Variants in TMCO4 observed in about 807,000 individuals in gnomAD.
TMCO4 encodes the protein transmembrane and coiled-coil domains 4.
TMCO4 carries 58 observed loss-of-function variants against 64.7 expected under a neutral mutation model. The ratio of observed to expected loss-of-function variants is 0.90; its 90% CI spans 0.73 to 1.12. The LOEUF is 1.12. Ranked by LOEUF, TMCO4 falls within the 50% of genes most tolerant of loss-of-function variation. The pLI is 0.00. For synonymous variants in TMCO4, 325 were observed against 346.1 expected (o/e 0.94, Z 0.68); for missense variants, 780 against 825.9 (o/e 0.94, Z 0.68).
chr1:19,770,293 A>C (rs971283595), intron 6 of TMCO4, among the ~76,000 whole-genome samples: 3 of 152,328 alleles, frequency 2.0e-5, no homozygotes, highest in Non-Finnish European at 4.4e-5. Flanking sequence ...ACCAGATTCG[A>C]GAGTTACTTA....
At chr1:19,776,081 T>C (rs1253307032) in intron 4 of TMCO4, among the ~76,000 whole-genome samples, 2 of 152,270 alleles carry the variant, frequency 1.3e-5, no homozygotes, top group East Asian at 3.9e-4. Context: ...CTAATCTTTG[T>C]ATTTTTAGTA....
chr1:19,774,643 A>T (rs567224905), intron 4 of TMCO4, among the ~76,000 whole-genome samples: 128 of 152,328 alleles, frequency 8.4e-4, no homozygotes, highest in African/African-American at 2.8e-3. Context: ...AATTGCTACT[A>T]ATGTGTTTGT....
At chr1:19,757,161 G>GC (rs570387894) in intron 6 of TMCO4, among the ~76,000 whole-genome samples, 16 of 148,410 alleles carry the variant, frequency 1.1e-4, no homozygotes, top group East Asian at 2.0e-4. Context: ...CGTGGTGGCG[G>GC]GGGGGGGCGC....
chr1:19,733,218 G>A (rs2095437708), intron 13 of TMCO4, among the ~76,000 whole-genome samples: 1 of 152,102 alleles, frequency 6.6e-6, no homozygotes, highest in Admixed American at 6.5e-5. Flanking sequence ...AGTGAGCTGA[G>A]ATGGCACCAC....
chr1:19,785,716 G>T (rs1306900799), intron 3 of TMCO4, among the ~76,000 whole-genome samples: 1 of 152,232 alleles, frequency 6.6e-6, no homozygotes, highest in Non-Finnish European at 1.5e-5. Flanking sequence ...ACACTCAGGA[G>T]GTCTGGTTGC....
At chr1:19,781,813 A>G (rs1207120482) in intron 3 of TMCO4, among the ~76,000 whole-genome samples, 1 of 152,028 alleles carries the variant, frequency 6.6e-6, no homozygotes, top group Non-Finnish European at 1.5e-5. Flanking sequence ...CACCTGGCTA[A>G]CTTTTTGTAT....
In TMCO4 at chr1:19,734,575, A is replaced by G. The variant is rs112903939; in HGVS notation, c.1264+2797T>C. ...GGCACAGTGCCAGGCTCCCACCCTG[A>G]CCTATTAGCATTTCCCACCAACCCA... On this transcript the variant is annotated intron_variant, in intron 13 of 15. Transcript: ENST00000294543. The surrounding 1 kb of genome is among the most constrained non-coding windows in gnomAD (Gnocchi z 4.4). Among the ~76,000 whole-genome samples, 182 of 151,596 alleles carry G rather than the reference A, an allele frequency of 1.2e-3. 3 individuals carry two copies. Among genetic ancestry groups the G allele is most frequent in the Middle Eastern group, 3.4e-3 (1 of 294 alleles).
At chr1:19,747,046 C>A in intron 8 of TMCO4, 117 bp downstream of exon 8, 2 of 987,442 alleles carry the variant, frequency 2.0e-6, no homozygotes, top group East Asian at 5.0e-5. Context: ...CTACCTACCA[C>A]ATGCCAGGGG....
intron 13 of TMCO4, among the ~76,000 whole-genome samples, chr1:19,709,031 A>T (rs2095316560): frequency 6.6e-6 from 1 of 152,138 alleles, no homozygotes; most frequent in Non-Finnish European, 1.5e-5. Context: ...CGTGCACATG[A>T]TAGACACGTA....
intron 4 of TMCO4, among the ~76,000 whole-genome samples, chr1:19,775,505 C>G (rs1204927959): frequency 6.6e-6 from 1 of 152,218 alleles, no homozygotes; most frequent in Admixed American, 6.5e-5. Flanking sequence ...AAAACTACAG[C>G]TAACCAGCCA....
intron 2 of TMCO4, among the ~76,000 whole-genome samples, chr1:19,787,851 G>A (rs562822407): frequency 6.6e-6 from 1 of 152,284 alleles, no homozygotes; most frequent in South Asian, 2.1e-4. Context: ...CGCCTCCCAA[G>A]TTCAAGTGAT....
intron 13 of TMCO4, among the ~76,000 whole-genome samples, chr1:19,709,599 G>C (rs74056977): frequency 6.6e-6 from 1 of 152,222 alleles, no homozygotes; most frequent in African/African-American, 2.4e-5. Flanking sequence ...ATCTTTGTGA[G>C]CACATTGACA....
Position 19,732,354 on chromosome 1 carries a change from T to C in TMCO4, c.1264+5018A>G, listed in dbSNP as rs190807723. ...GCCTGGCTAATTTTAAAATTTTTTG[T>C]AGAGGCAAATTATGTTGCCCAGGCT... On this transcript the variant is annotated intron_variant, in intron 13 of 15. Transcript: ENST00000294543. This position sits in a 1 kb window ranked among gnomAD's most constrained non-coding sequence, Gnocchi z 4.8. Among the ~76,000 whole-genome samples the C allele has an allele frequency of 2.2e-4, 34 of 151,934 alleles. No individual in the cohort carries two copies. The highest frequency in any genetic ancestry group is 3.4e-3 in the Middle Eastern group (1 of 294).
Position 19,700,870 on chromosome 1 carries a change from A to G in TMCO4, c.1280T>C (p.Ile427Thr). The change falls in exon 14 of 16, where the codon ATC becomes ACC. Residue 427 changes from isoleucine (I) to threonine (T), a missense_variant. Transcript: ENST00000294543. ...CGCACCCAGCAGGATGACGTCCTCGATGATTCCTTGGCAATCTGGCAAAAG... is the reference window on the plus strand; with the variant it reads ...CGCACCCAGCAGGATGACGTCCTCGGTGATTCCTTGGCAATCTGGCAAAAG... ...MAQEKDCQGI[I>T]EDVILLGAPV... 1.9e-6 allele frequency: 3 copies of G among 1,614,200 alleles called. No homozygotes were observed. Among genetic ancestry groups the G allele is most frequent in the Non-Finnish European group, 1.7e-6 (2 of 1,180,016 alleles).
At chr1:19,689,001 A>C (rs921814322) in intron 15 of TMCO4, among the ~76,000 whole-genome samples, 1 of 152,124 alleles carries the variant, frequency 6.6e-6, no homozygotes, top group African/African-American at 2.4e-5. Flanking sequence ...GAGGGGCAGG[A>C]GGGCAGCTTC....
At position 19,738,508 on chromosome 1, in the gene TMCO4, T is replaced by C. The variant is rs530246693; in HGVS notation, c.1180-1052A>G. 2.0e-5 allele frequency: 3 copies of C among 152,400 alleles called. No homozygotes were observed. The East Asian group carries it at 5.8e-4, about 29-fold the overall frequency. The allele number at this position is 152,400 out of a possible 1,614,324, so 9.4% of individuals were successfully genotyped here. A position where few individuals can be genotyped will look rare whatever the true frequency, so the allele number is the denominator to read the frequency against. On this transcript the variant is annotated intron_variant, in intron 12 of 15. Coordinates refer to ENST00000294543, the MANE Select transcript of TMCO4 (RefSeq NM_181719.7). Reference sequence around the variant, plus strand: ...AAATAGTACATTTGTTTTCAGCTGGTAAATTTGTGGTAATTTGTAACAGTG... The same window carrying C: ...AAATAGTACATTTGTTTTCAGCTGGCAAATTTGTGGTAATTTGTAACAGTG...
chr1:19,738,904 T>G (rs898666000), intron 12 of TMCO4, among the ~76,000 whole-genome samples: 2 of 152,244 alleles, frequency 1.3e-5, no homozygotes, highest in Non-Finnish European at 2.9e-5. Context: ...AGACACCAAC[T>G]GAAATGTTGT....
intron 13 of TMCO4, among the ~76,000 whole-genome samples, chr1:19,721,521 G>C (rs751514587): frequency 6.6e-6 from 1 of 152,154 alleles, no homozygotes; most frequent in Admixed American, 6.5e-5. Context: ...AGGCGCGGGG[G>C]CTCATGCCTG....
intron 13 of TMCO4, among the ~76,000 whole-genome samples, chr1:19,711,718 C>T (rs943959976): frequency 3.3e-5 from 5 of 152,076 alleles, no homozygotes; most frequent in Admixed American, 6.6e-5. Flanking sequence ...ATTGCAATGG[C>T]GTGATCTCAG....
Sources: gnomAD v4.1 joint callset for allele counts (sites outside exome capture counted in the v4.1 genomes callset) on GRCh38, gnomAD v4.1.1 for gene constraint, Gnocchi (gnomAD v3.1) non-coding constraint, MANE v1.5 for transcripts, NCBI Gene and HGNC (gene_info 2026-07-23, HGNC 2026-07-21) for gene names.